Variants in ZFP62 observed in about 807,000 individuals in gnomAD.
The protein encoded by ZFP62 is ZFP62 zinc finger protein, also known as zinc finger protein 62 homolog.
ZFP62 carries 44 observed loss-of-function variants against 56.4 expected under a neutral mutation model. That is an observed-to-expected ratio of 0.78 (90% confidence interval 0.61 to 1.00). ZFP62 has a LOEUF of 1.00. ZFP62 is among the 50% of genes least tolerant of loss of function. ZFP62 has a pLI of 0.00. For synonymous variants in ZFP62, 421 were observed against 388.9 expected (o/e 1.08, Z -0.97); for missense variants, 1,030 against 1,085.7 (o/e 0.95, Z 0.72).
chr5:180,836,708 T>G, the ZFP62 span, among the ~76,000 whole-genome samples: 1 of 152,152 alleles, frequency 6.6e-6, no homozygotes, highest in East Asian at 1.9e-4. Flanking sequence ...AAATGTAAAC[T>G]GAGGTAAGGG....
At chr5:180,842,689 T>C (rs747891660), downstream of ZFP62, among the ~76,000 whole-genome samples, 73 of 152,180 alleles carry the variant, frequency 4.8e-4, 1 homozygote, top group Non-Finnish European at 1.6e-4. Flanking sequence ...TAAAGAAAGT[T>C]TTCTAGAGAG....
At position 180,850,886 on chromosome 5, in the gene ZFP62, C is replaced by G. The variant is rs1364958340; in HGVS notation, c.609G>C (p.Gly203=). Residue 203 remains glycine, a synonymous_variant, in exon 2 of 2, where the codon GGG becomes GGC. Coordinates refer to ENST00000502412, the MANE Select transcript of ZFP62 (RefSeq NM_001172638.2). ...GEKPYKCEEC[G]KAYMSYSSLI... ...GGCTGGAGTAGGACATGTAGGCTTT[C>G]CCACATTCCTCACACTTGTACGGCT... The G allele has an allele frequency of 6.4e-7, 1 of 1,566,288 alleles. No homozygotes were observed. Among genetic ancestry groups the G allele is most frequent in the Non-Finnish European group, 8.7e-7 (1 of 1,155,816 alleles).
intron 1 of ZFP62, among the ~76,000 whole-genome samples, chr5:180,852,535 A>G (rs1355443558): frequency 2.0e-5 from 3 of 146,856 alleles, no homozygotes; most frequent in Non-Finnish European, 4.5e-5. Context: ...GCCTGGTGAC[A>G]GAGCAAGACT....
At chr5:180,852,020 A>AG in intron 1 of ZFP62, 3 of 986,794 alleles carry the variant, frequency 3.0e-6, no homozygotes. Context: ...AGGCTATGAA[A>AG]CCATGAAGAC....
chr5:180,842,108 C>T, the ZFP62 span, among the ~76,000 whole-genome samples: 1 of 152,180 alleles, frequency 6.6e-6, no homozygotes, highest in African/African-American at 2.4e-5. Context: ...AAATTGAGCA[C>T]TCAATGGGTA....
the ZFP62 span, among the ~76,000 whole-genome samples, chr5:180,827,385 C>A: frequency 2.7e-4 from 41 of 152,042 alleles, no homozygotes; most frequent in Non-Finnish European, 4.1e-4. Context: ...TTCTGTTAAT[C>A]TGTGACCTTA....
At chr5:180,831,339 G>A in the ZFP62 span, 2 of 152,292 alleles carry the variant, frequency 1.3e-5, no homozygotes, top group Non-Finnish European at 2.9e-5. Flanking sequence ...GGGGCGCCTC[G>A]GAGGGAAACC....
Position 180,850,187 on chromosome 5 carries a change from A to T in ZFP62, c.1308T>A (p.Leu436=), listed in dbSNP as rs776823667. The change falls in exon 2 of 2, where the codon CTT becomes CTA. Residue 436 remains leucine (L), a synonymous_variant. Transcript: ENST00000502412. ...CGKSFSYNSL[L]LQHRTIHTGE... ...CGGTATGAATAGTTCTGTGTTGAAG[A>T]AGTAGTGAGTTATAACTAAAGGATT... is the stretch of plus-strand genomic sequence containing the variant. The T allele has an allele frequency of 5.2e-6, 8 of 1,551,952 alleles. No individual in the cohort carries two copies. In the East Asian group the frequency reaches 1.5e-4, roughly 28 times the overall value.
At chr5:180,854,082 G>A (rs1225839271) in intron 1 of ZFP62, among the ~76,000 whole-genome samples, 1 of 152,166 alleles carries the variant, frequency 6.6e-6, no homozygotes, top group African/African-American at 2.4e-5. Flanking sequence ...CACTCCAGTG[G>A]TAATGAGCAC....
downstream of ZFP62, among the ~76,000 whole-genome samples, chr5:180,846,933 G>A (rs747969341): frequency 6.6e-6 from 1 of 152,170 alleles, no homozygotes; most frequent in Non-Finnish European, 1.5e-5. Flanking sequence ...AGTATGATCA[G>A]AACAGTCCAA....
In ZFP62 at chr5:180,849,563, G is replaced by T. The variant is rs1406154361; in HGVS notation, c.1932C>A (p.Pro644=). The T allele has an allele frequency of 6.4e-7, 1 of 1,552,158 alleles. No individual in the cohort carries two copies. The change falls in exon 2 of 2, where the codon CCC becomes CCA. Residue 644 remains proline (P), a synonymous_variant. Coordinates refer to ENST00000502412, the MANE Select transcript of ZFP62 (RefSeq NM_001172638.2). ...CCTTCTCACACCTGTCACATTCATA[G>T]GGTTTCTCTCTAGTGTGGACCCTTC... ...QHRRVHTREK[P]YECDRCEKVF...
the ZFP62 span, among the ~76,000 whole-genome samples, chr5:180,827,856 G>A: frequency 1.3e-5 from 2 of 152,238 alleles, no homozygotes; most frequent in African/African-American, 4.8e-5. Flanking sequence ...AGGGCTGGAG[G>A]TGGGACATGC....
chr5:180,860,958 G>GT (rs1190004295), intron 1 of ZFP62, among the ~76,000 whole-genome samples: 1 of 152,190 alleles, frequency 6.6e-6, no homozygotes, highest in Non-Finnish European at 1.5e-5. Context: ...CATGACGCTG[G>GT]TCCGTTCAAA....
chr5:180,831,182 C>A, the ZFP62 span: 1 of 154,932 alleles, frequency 6.5e-6, no homozygotes. Flanking sequence ...GCGGTTCTCA[C>A]AGCCCGCCGC....
rs1365023670 is a variant in ZFP62, at chr5:180,849,733, G to T, written c.1762C>A (p.Pro588Thr). Reference sequence around the variant, plus strand: ...TTCTCACACTCGTCACACTTAAAGGGCTTCTCCCCAGGGTGTACACTTTTA... The same window carrying T: ...TTCTCACACTCGTCACACTTAAAGGTCTTCTCCCCAGGGTGTACACTTTTA... ...NHKSVHPGEKPFKCDECEKAF... is the reference protein window; with the variant it reads ...NHKSVHPGEKTFKCDECEKAF... The change falls in exon 2 of 2, where the codon CCC (proline) becomes ACC (threonine). Residue 588 changes from proline to threonine, a missense_variant. Physicochemically the swap from Pro to Thr is conservative, Grantham distance 38. Coordinates refer to ENST00000502412, the MANE Select transcript of ZFP62 (RefSeq NM_001172638.2). 5.8e-6 allele frequency: 9 copies of T among 1,551,808 alleles called. No individual in the cohort carries two copies. The highest frequency in any genetic ancestry group is 7.0e-6 in the Non-Finnish European group (8 of 1,147,118).
In ZFP62 at chr5:180,848,880, T is replaced by TTTAA; in HGVS notation, c.2614_2615insTTAA (p.Tyr872PhefsTer7). 1 of 1,551,702 alleles carries TTTAA rather than the reference T, an allele frequency of 6.4e-7. No homozygotes were observed. On this transcript the variant is annotated frameshift_variant, in exon 2 of 2. Transcript: ENST00000502412. LOFTEE classifies it high-confidence loss of function. ...GGATGTGCCACTATAACTTCCCACA[T>TTTAA]ATATCACATTTAAAGATTCCTCTCC...
chr5:180,854,196 A>C (rs1773854621), intron 1 of ZFP62, among the ~76,000 whole-genome samples: 1 of 152,204 alleles, frequency 6.6e-6, no homozygotes, highest in Non-Finnish European at 1.5e-5. Context: ...GAAACATACA[A>C]GATGAGCATC....
At chr5:180,845,957 T>C (rs1750881693), downstream of ZFP62, 1 of 678,092 alleles carries the variant, frequency 1.5e-6, no homozygotes, top group Non-Finnish European at 1.8e-6. Flanking sequence ...GGAAGGCTAT[T>C]CCATACTCAC....
the ZFP62 span, among the ~76,000 whole-genome samples, chr5:180,826,899 G>T: frequency 6.6e-6 from 1 of 152,208 alleles, no homozygotes; most frequent in East Asian, 1.9e-4. Context: ...TCTTTATTGA[G>T]ATGGAGTTGA....
Sources: gnomAD v4.1 joint callset for allele counts (sites outside exome capture counted in the v4.1 genomes callset) on GRCh38, gnomAD v4.1.1 for gene constraint, MANE v1.5 for transcripts, NCBI Gene and HGNC (gene_info 2026-07-23, HGNC 2026-07-21) for gene names.